The following AP3S2 variants were observed in gnomAD, a reference collection of about 807,000 sequenced individuals.
AP3S2 encodes AP-3 complex subunit sigma-2.
Under a neutral mutation model 23.4 loss-of-function variants are expected in AP3S2, and 22 were observed. That is an observed-to-expected ratio of 0.94 (90% CI 0.67 to 1.34). AP3S2 has a LOEUF of 1.34. AP3S2 is among the 40% of genes most tolerant of loss of function. The pLI is 0.00. For synonymous variants in AP3S2, 86 were observed against 87.1 expected (o/e 0.99, Z 0.07); for missense variants, 241 against 236.9 (o/e 1.02, Z -0.11).
intron 3 of AP3S2, among the ~76,000 whole-genome samples, chr15:89,871,909 G>A (rs973751241): frequency 3.3e-5 from 5 of 151,968 alleles, no homozygotes; most frequent in Non-Finnish European, 5.9e-5. Flanking sequence ...AAGAGCTCAC[G>A]ACCAGCCTTG....
At chr15:89,881,862 C>A (rs558201893) in intron 3 of AP3S2, among the ~76,000 whole-genome samples, 1 of 151,560 alleles carries the variant, frequency 6.6e-6, no homozygotes, top group Admixed American at 6.6e-5. Flanking sequence ...CTGTTGTCGC[C>A]CAGGCTGGAG....
chr15:89,867,923 G>T (rs1201927942), intron 4 of AP3S2, among the ~76,000 whole-genome samples: 1 of 146,818 alleles, frequency 6.8e-6, no homozygotes, highest in Admixed American at 6.7e-5. Flanking sequence ...AGGGAGGTGG[G>T]GGGGGTCAGC....
At chr15:89,877,497 G>T in intron 3 of AP3S2, 3 of 799,820 alleles carry the variant, frequency 3.8e-6, no homozygotes, top group South Asian at 2.8e-5. Context: ...AGTAGCATTC[G>T]ATAACGTTCA....
chr15:89,835,577 G>A lies in AP3S2; in HGVS notation c.520C>T (p.Pro174Ser). ...AVKNINLPEI[P>S]RNINIGDLNI... The stretch of plus-strand genomic sequence containing the variant: ...AGATCGCCAATGTTGATGTTCCGAG[G>A]AATCTCTGGCAGGTTGATGTTTTTC... The change falls in exon 6 of 6, where the codon CCT (proline) becomes TCT (serine). Residue 174 changes from proline (P) to serine (S), a missense_variant. Physicochemically the swap from Pro to Ser is moderately conservative, Grantham distance 74. Transcript: ENST00000336418. 2 of 1,613,896 alleles carry A rather than the reference G, an allele frequency of 1.2e-6. No individual in the cohort carries two copies. The highest frequency in any genetic ancestry group is 1.7e-6 in the Non-Finnish European group (2 of 1,180,010).
intron 4 of AP3S2, among the ~76,000 whole-genome samples, chr15:89,865,165 T>C (rs1430089262): frequency 6.6e-6 from 1 of 152,156 alleles, no homozygotes; most frequent in African/African-American, 2.4e-5. Context: ...GGAGCACTGC[T>C]CTACCTCATC....
At chr15:89,869,769 T>C (rs1896275079) in intron 4 of AP3S2, among the ~76,000 whole-genome samples, 1 of 151,904 alleles carries the variant, frequency 6.6e-6, no homozygotes, top group African/African-American at 2.4e-5. Context: ...TTTTTTTTTT[T>C]TTGAGACACA....
chr15:89,886,027 C>G (rs1896693417), intron 3 of AP3S2, among the ~76,000 whole-genome samples: 2 of 151,166 alleles, frequency 1.3e-5, no homozygotes, highest in South Asian at 4.2e-4. Flanking sequence ...GTACAATGTA[C>G]ACTAAATATT....
intron 4 of AP3S2, among the ~76,000 whole-genome samples, chr15:89,853,707 C>A (rs1198561143): frequency 1.7e-5 from 2 of 116,198 alleles, no homozygotes; most frequent in Admixed American, 8.8e-5. Context: ...AAGTGAGGAG[C>A]GTCTCTGCCC....
intron 4 of AP3S2, among the ~76,000 whole-genome samples, chr15:89,856,415 T>C (rs1895837650): frequency 6.6e-6 from 1 of 151,336 alleles, no homozygotes; most frequent in Non-Finnish European, 1.5e-5. Context: ...AATACAAAAA[T>C]TAGGGCTGGG....
intron 2 of AP3S2, 104 bp downstream of exon 2, chr15:89,888,945 T>C: frequency 2.2e-6 from 3 of 1,349,130 alleles, no homozygotes; most frequent in South Asian, 1.2e-5. Context: ...CCAGCTAAAG[T>C]TGCATCAAGT....
chr15:89,884,303 G>T (rs1366939065), intron 3 of AP3S2, among the ~76,000 whole-genome samples: 1 of 151,746 alleles, frequency 6.6e-6, no homozygotes, highest in Non-Finnish European at 1.5e-5. Flanking sequence ...GCATTCTTGG[G>T]ATAAATACTA....
chr15:89,842,071 G>A (rs1229841117), intron 4 of AP3S2, among the ~76,000 whole-genome samples: 2 of 151,980 alleles, frequency 1.3e-5, no homozygotes, highest in Admixed American at 1.3e-4. Flanking sequence ...GAGAAGACAA[G>A]CTGCATACTG....
chr15:89,892,497 C>A lies in AP3S2; in HGVS notation c.69+1384G>T, dbSNP rs112766465. ...GACCAGCCTGGGCAACATAGAAAGA[C>A]CCCGTCTCTATAAGTAAATAACATA... On this transcript the variant is annotated intron_variant, in intron 1 of 5. Coordinates refer to ENST00000336418, the MANE Select transcript of AP3S2 (RefSeq NM_005829.5). Among the ~76,000 whole-genome samples, 630 of 152,156 alleles carry A rather than the reference C, an allele frequency of 4.1e-3. 8 individuals are homozygous for A. Among genetic ancestry groups the A allele is most frequent in the African/African-American group, 0.014 (563 of 41,496 alleles).
intron 3 of AP3S2, chr15:89,877,371 T>TGTTCCA (rs1567185321): frequency 7.7e-7 from 1 of 1,293,354 alleles, no homozygotes. Context: ...AAAGAGCTAG[T>TGTTCCA]GTTCCAGTTT....
chr15:89,854,997 T>A (rs1895789169), intron 4 of AP3S2, among the ~76,000 whole-genome samples: 1 of 98,948 alleles, frequency 1.0e-5, no homozygotes, highest in African/African-American at 3.8e-5. Flanking sequence ...GGAGCCCCTC[T>A]GCCCGGCCAC....
At chr15:89,882,181 C>T (rs1896585885) in intron 3 of AP3S2, among the ~76,000 whole-genome samples, 1 of 151,958 alleles carries the variant, frequency 6.6e-6, no homozygotes, top group Admixed American at 6.6e-5. Flanking sequence ...ATATTAATTC[C>T]CTTTGATCCA....
intron 4 of AP3S2, among the ~76,000 whole-genome samples, chr15:89,864,024 A>T (rs1200857294): frequency 6.6e-6 from 1 of 152,238 alleles, no homozygotes; most frequent in African/African-American, 2.4e-5. Flanking sequence ...TAGGATTCTG[A>T]TTCCTTGCAT....
chr15:89,891,946 T>G (rs28865973), intron 1 of AP3S2, among the ~76,000 whole-genome samples: 72,176 of 151,946 alleles, frequency 0.48, 17,398 homozygotes, highest in East Asian at 0.61. Flanking sequence ...AGAATGTTCA[T>G]AGCAGCATTA....
At chr15:89,868,496 C>T (rs1215809845) in intron 4 of AP3S2, among the ~76,000 whole-genome samples, 8 of 109,494 alleles carry the variant, frequency 7.3e-5, no homozygotes, top group African/African-American at 1.4e-4. Flanking sequence ...CCCGGCCAGC[C>T]GCCCGGTCCG....
Sources: gnomAD v4.1 joint callset for allele counts (sites outside exome capture counted in the v4.1 genomes callset) on GRCh38, gnomAD v4.1.1 for gene constraint, MANE v1.5 for transcripts, NCBI Gene and HGNC (gene_info 2026-07-23, HGNC 2026-07-21) for gene names.